USP3: variants seen among roughly 807,000 people sequenced by gnomAD.
The protein encoded by USP3 is ubiquitin carboxyl-terminal hydrolase 3.
Under a neutral mutation model 72.3 loss-of-function variants are expected in USP3, and 20 were observed. That is an observed-to-expected ratio of 0.28 (90% CI 0.19 to 0.40). The LOEUF is 0.40. USP3 is among the 10% of genes least tolerant of loss of function. The pLI is 1.00. For missense variants in USP3, 479 were observed against 633.9 expected, an observed-to-expected ratio of 0.76 and a Z score of 2.62; for synonymous variants, 222 against 225.3, an observed-to-expected ratio of 0.99 and a Z score of 0.13.
At chr15:63,510,420 C>A (rs1259527671) in intron 1 of USP3, among the ~76,000 whole-genome samples, 1 of 151,958 alleles carries the variant, frequency 6.6e-6, no homozygotes, top group Non-Finnish European at 1.5e-5. Context: ...TGTTAGTCTC[C>A]TTTGATTAAG....
intron 2 of USP3, chr15:63,533,866 A>G (rs2066114336): frequency 8.1e-7 from 1 of 1,237,114 alleles, no homozygotes; most frequent in Non-Finnish European, 1.0e-6. Context: ...GAAAAGTAGA[A>G]GCACTTAAAT....
At chr15:63,547,787 A>G (rs1355060576) in intron 3 of USP3, among the ~76,000 whole-genome samples, 2 of 108,276 alleles carry the variant, frequency 1.8e-5, no homozygotes, top group African/African-American at 7.5e-5. Context: ...AGAGAGAGAG[A>G]GAGAGAGAGA....
In USP3 at chr15:63,588,361, T is replaced by C; in HGVS notation, c.1153T>C (p.Cys385Arg). 1 of 1,608,764 alleles carries C rather than the reference T, an allele frequency of 6.2e-7. No homozygotes were observed. Among genetic ancestry groups the C allele is most frequent in the Non-Finnish European group, 8.5e-7 (1 of 1,178,648 alleles). The change falls in exon 12 of 15, where the codon TGC (cysteine) becomes CGC (arginine). Residue 385 changes from cysteine (C) to arginine (R), a missense_variant. Physicochemically the swap from Cys to Arg is radical, Grantham distance 180. Coordinates refer to ENST00000380324, the MANE Select transcript of USP3 (RefSeq NM_006537.4). This position sits in a 1 kb window ranked among gnomAD's most constrained non-coding sequence, Gnocchi z 4.6. ...EELDETELYM[C>R]HKCKKKQKST... ...ACTTGATGAGACAGAGTTATATATGTGCCATAAATGCAAAAAGAAACAAAA... is the reference window on the plus strand; with the variant it reads ...ACTTGATGAGACAGAGTTATATATGCGCCATAAATGCAAAAAGAAACAAAA...
Position 63,591,039 on chromosome 15 carries a change from T to A in USP3, c.*213T>A. 1 of 495,484 alleles carries A rather than the reference T, an allele frequency of 2.0e-6. No individual in the cohort carries two copies. Among genetic ancestry groups the A allele is most frequent in the Non-Finnish European group, 3.3e-6 (1 of 299,884 alleles). The allele number at this position is 495,484 out of a possible 1,614,324, so 30.7% of individuals were successfully genotyped here. The stretch of plus-strand genomic sequence containing the variant: ...CTCAGCAGATGTTTTGATTTGCTGC[T>A]TTAGTTGTAATAATTCAATTTTTAT... On this transcript the variant is annotated 3_prime_UTR_variant, in exon 15 of 15. Coordinates refer to ENST00000380324, the MANE Select transcript of USP3 (RefSeq NM_006537.4).
At chr15:63,512,659 G>A (rs2152648252) in intron 1 of USP3, among the ~76,000 whole-genome samples, 1 of 151,558 alleles carries the variant, frequency 6.6e-6, no homozygotes, top group Admixed American at 6.6e-5. Context: ...TGGCCAGGCT[G>A]GTCTTGAACT....
chr15:63,580,962 C>T (rs1004809887), intron 11 of USP3, among the ~76,000 whole-genome samples: 5 of 151,976 alleles, frequency 3.3e-5, no homozygotes, highest in Admixed American at 2.0e-4. Context: ...GCACGAGCCA[C>T]CATGCCCAGC....
chr15:63,519,372 T>C (rs999050445), intron 1 of USP3, among the ~76,000 whole-genome samples: 1 of 152,066 alleles, frequency 6.6e-6, no homozygotes, highest in African/African-American at 2.4e-5. Context: ...TGTCTTGTTA[T>C]TTTTGAAGAG....
At chr15:63,569,639 A>G (rs574405129) in intron 8 of USP3, among the ~76,000 whole-genome samples, 96 of 152,298 alleles carry the variant, frequency 6.3e-4, no homozygotes, top group African/African-American at 2.2e-3. Context: ...TTTATATAGC[A>G]ATGCTTTCTT....
intron 11 of USP3, among the ~76,000 whole-genome samples, chr15:63,580,651 T>C (rs1299333225): frequency 8.0e-6 from 1 of 124,276 alleles, no homozygotes; most frequent in Non-Finnish European, 1.6e-5. Context: ...CATATATATA[T>C]GAATATATAA....
At chr15:63,542,548 TAG>T (rs2066260104) in intron 3 of USP3, among the ~76,000 whole-genome samples, 1 of 152,026 alleles carries the variant, frequency 6.6e-6, no homozygotes, top group African/African-American at 2.4e-5. Context: ...AATTACCAAG[TAG>T]AGTTAATTTC....
chr15:63,583,751 TTAAC>T (rs1566918730), intron 11 of USP3, among the ~76,000 whole-genome samples: 1 of 152,220 alleles, frequency 6.6e-6, no homozygotes. Context: ...TGTGATTGGC[TTAAC>T]TTAGTGTATA....
Position 63,546,070 on chromosome 15 carries a change from G to T in USP3, c.285-7645G>T, listed in dbSNP as rs80036618. Among the ~76,000 whole-genome samples the T allele has an allele frequency of 6.9e-3, 1,033 of 149,198 alleles. 14 individuals are homozygous for T. Among genetic ancestry groups the T allele is most frequent in the African/African-American group, 0.025 (993 of 40,484 alleles). On this transcript the variant is annotated intron_variant, in intron 3 of 14. Transcript: ENST00000380324. ...AACTTGCTTAGGTATAAATTTTATA[G>T]CCTAAAACTTGGTCATATAATGTAG... is the stretch of plus-strand genomic sequence containing the variant.
intron 1 of USP3, among the ~76,000 whole-genome samples, chr15:63,525,350 C>G (rs2065967104): frequency 6.6e-6 from 1 of 152,132 alleles, no homozygotes; most frequent in Non-Finnish European, 1.5e-5. Flanking sequence ...ATTGGTCACC[C>G]CTTTGACCCT....
Position 63,528,899 on chromosome 15 carries a change from T to C in USP3, c.92-3748T>C, listed in dbSNP as rs548194823. ...CTATTTTATATTTGTCCTGGGTACA[T>C]TAAAGGTTCTTAATTTGGATGAAGC... On this transcript the variant is annotated intron_variant, in intron 1 of 14. Coordinates refer to ENST00000380324, the MANE Select transcript of USP3 (RefSeq NM_006537.4). This position sits in a 1 kb window ranked among gnomAD's most constrained non-coding sequence, Gnocchi z 4.3. 1.4e-6 allele frequency: 1 copy of C among 720,700 alleles called. No individual in the cohort carries two copies. The highest frequency in any genetic ancestry group is 2.0e-6 in the Non-Finnish European group (1 of 510,900). 44.6% of individuals were successfully genotyped at this position (720,700 alleles called of 1,614,324 possible).
chr15:63,543,945 C>T (rs767221760), intron 3 of USP3, among the ~76,000 whole-genome samples: 1 of 151,254 alleles, frequency 6.6e-6, no homozygotes, highest in South Asian at 2.1e-4. Context: ...CATGGTGGCT[C>T]ACACCTATAA....
chr15:63,563,901 A>G (rs1049425090), intron 8 of USP3, among the ~76,000 whole-genome samples: 2 of 152,226 alleles, frequency 1.3e-5, no homozygotes, highest in African/African-American at 2.4e-5. Flanking sequence ...CTTGCTAAAA[A>G]GTCTAGTCTT....
At chr15:63,545,585 T>C (rs965748072) in intron 3 of USP3, among the ~76,000 whole-genome samples, 1 of 152,162 alleles carries the variant, frequency 6.6e-6, no homozygotes, top group Admixed American at 6.5e-5. Flanking sequence ...TTTTGTTTTT[T>C]TTTAATGTTC....
intron 7 of USP3, among the ~76,000 whole-genome samples, chr15:63,560,770 G>T (rs1349116523): frequency 6.6e-6 from 1 of 151,908 alleles, no homozygotes; most frequent in Non-Finnish European, 1.5e-5. Flanking sequence ...CTTATTTGTG[G>T]TTCAGAAGAT....
chr15:63,535,248 G>A (rs902241819), intron 2 of USP3, among the ~76,000 whole-genome samples: 1 of 152,150 alleles, frequency 6.6e-6, no homozygotes, highest in Non-Finnish European at 1.5e-5. Flanking sequence ...TTATTAAATA[G>A]CGTTTCTTGA....
Sources: gnomAD v4.1 joint callset for allele counts (sites outside exome capture counted in the v4.1 genomes callset) on GRCh38, gnomAD v4.1.1 for gene constraint, Gnocchi (gnomAD v3.1) non-coding constraint, MANE v1.5 for transcripts, NCBI Gene and HGNC (gene_info 2026-07-23, HGNC 2026-07-21) for gene names.